CIMIP6: variants seen among roughly 807,000 people sequenced by gnomAD.
CIMIP6 encodes the protein uncharacterized protein C2orf73.
the CIMIP6 span, among the ~76,000 whole-genome samples, chr2:54,359,967 T>G: frequency 6.6e-6 from 1 of 152,244 alleles, no homozygotes; most frequent in Non-Finnish European, 1.5e-5. Flanking sequence ...GCTACTTCTT[T>G]GACATTCTGC....
At chr2:54,378,943 T>C in the CIMIP6 span, among the ~76,000 whole-genome samples, 1 of 152,192 alleles carries the variant, frequency 6.6e-6, no homozygotes, top group East Asian at 1.9e-4. Context: ...ACATCTTTGG[T>C]TTTTGAGGGC....
chr2:54,377,332 T>C, the CIMIP6 span, among the ~76,000 whole-genome samples: 1 of 152,212 alleles, frequency 6.6e-6, no homozygotes, highest in Non-Finnish European at 1.5e-5. Flanking sequence ...AGCACCATTA[T>C]ATAGTATTTC....
the CIMIP6 span, among the ~76,000 whole-genome samples, chr2:54,372,368 G>T: frequency 1.3e-5 from 2 of 152,122 alleles, no homozygotes; most frequent in South Asian, 2.1e-4. Flanking sequence ...ACCTGTAGCC[G>T]TATTTGTCCC....
chr2:54,349,590 C>T, the CIMIP6 span, among the ~76,000 whole-genome samples: 1 of 152,156 alleles, frequency 6.6e-6, no homozygotes, highest in Admixed American at 6.5e-5. Flanking sequence ...TCAAATGAGG[C>T]TTCTTTCAAG....
chr2:54,383,418 G>A, the CIMIP6 span: 76,551 of 152,080 alleles, frequency 0.5, 23,511 homozygotes, highest in African/African-American at 0.86. Context: ...TCCATATAAT[G>A]TTTTACACAA....
the CIMIP6 span, among the ~76,000 whole-genome samples, chr2:54,348,512 A>T: frequency 6.6e-6 from 1 of 152,184 alleles, no homozygotes. Context: ...ATAAATATTT[A>T]TTAGTTAAAT....
the CIMIP6 span, among the ~76,000 whole-genome samples, chr2:54,372,291 T>C: frequency 6.6e-6 from 1 of 152,330 alleles, no homozygotes; most frequent in South Asian, 2.1e-4. Context: ...TCAGTGTTCA[T>C]ATTTATCATA....
At chr2:54,352,077 C>T in the CIMIP6 span, among the ~76,000 whole-genome samples, 1 of 151,992 alleles carries the variant, frequency 6.6e-6, no homozygotes, top group Non-Finnish European at 1.5e-5. Context: ...TAAACTTAAT[C>T]AGATTTCCCT....
the CIMIP6 span, among the ~76,000 whole-genome samples, chr2:54,354,936 A>C: frequency 6.6e-6 from 1 of 152,030 alleles, no homozygotes; most frequent in African/African-American, 2.4e-5. Context: ...AGGAAACAAA[A>C]ATTTTTGTTA....
chr2:54,337,740 T>C, the CIMIP6 span, among the ~76,000 whole-genome samples: 2 of 152,190 alleles, frequency 1.3e-5, no homozygotes, highest in African/African-American at 2.4e-5. Flanking sequence ...AGAATAGTAG[T>C]AGAATCATTA....
chr2:54,382,161 T>C, the CIMIP6 span, among the ~76,000 whole-genome samples: 7 of 152,218 alleles, frequency 4.6e-5, no homozygotes, highest in Admixed American at 3.9e-4. Context: ...ATTTCCTTTC[T>C]CTTTTAGCCA....
the CIMIP6 span, among the ~76,000 whole-genome samples, chr2:54,358,405 T>G: frequency 6.6e-6 from 1 of 152,172 alleles, no homozygotes; most frequent in Non-Finnish European, 1.5e-5. Flanking sequence ...CTAACAATTT[T>G]TTTTTTTTTC....
At chr2:54,371,765 C>T in the CIMIP6 span, among the ~76,000 whole-genome samples, 1 of 152,178 alleles carries the variant, frequency 6.6e-6, no homozygotes, top group African/African-American at 2.4e-5. Context: ...TGTGGGTGGG[C>T]ACAGGAGTGG....
At chr2:54,330,909 T>C in the CIMIP6 span, 1 of 1,533,538 alleles carries the variant, frequency 6.5e-7, no homozygotes, top group Non-Finnish European at 9.0e-7. Context: ...TGCGCACCCT[T>C]TTCCTGGCAG....
At chr2:54,368,408 G>A in the CIMIP6 span, among the ~76,000 whole-genome samples, 124 of 152,354 alleles carry the variant, frequency 8.1e-4, 3 homozygotes, top group East Asian at 0.017. Flanking sequence ...CCTGTCAGAT[G>A]TCTGCTTGCA....
chr2:54,348,360 T>C, the CIMIP6 span, among the ~76,000 whole-genome samples: 1 of 152,218 alleles, frequency 6.6e-6, no homozygotes, highest in Non-Finnish European at 1.5e-5. Context: ...TGTGTTGAGT[T>C]GAAATTTAGC....
At chr2:54,368,031 CTTTG>C in the CIMIP6 span, among the ~76,000 whole-genome samples, 3 of 152,136 alleles carry the variant, frequency 2.0e-5, no homozygotes, top group African/African-American at 7.2e-5. Flanking sequence ...AGTTCTAGCT[CTTTG>C]TTTCACAATC....
At chr2:54,352,274 G>A in the CIMIP6 span, among the ~76,000 whole-genome samples, 1 of 151,526 alleles carries the variant, frequency 6.6e-6, no homozygotes, top group African/African-American at 2.4e-5. Flanking sequence ...TTGGTTTTGA[G>A]TATTAGTAAA....
the CIMIP6 span, among the ~76,000 whole-genome samples, chr2:54,346,202 G>A: frequency 1.2e-3 from 188 of 152,188 alleles, no homozygotes; most frequent in Middle Eastern, 0.017. Flanking sequence ...TTTAAATATG[G>A]TTACACAACA....
Sources: gnomAD v4.1 joint callset for allele counts (sites outside exome capture counted in the v4.1 genomes callset) on GRCh38, gnomAD v4.1.1 for gene constraint, MANE v1.5 for transcripts, NCBI Gene and HGNC (gene_info 2026-07-23, HGNC 2026-07-21) for gene names.